The following SLC1A7 variants were observed in gnomAD, a reference collection of about 807,000 sequenced individuals.
SLC1A7 encodes excitatory amino acid transporter 5.
SLC1A7 carries 40 observed loss-of-function variants against 47.7 expected under a neutral mutation model. The observed-to-expected ratio is 0.84, with a 90% CI of 0.65 to 1.09. The LOEUF (loss-of-function observed/expected upper bound fraction) is 1.09. Ranked by LOEUF, SLC1A7 falls within the 50% of genes least tolerant of loss-of-function variation. The pLI is 0.00. For synonymous variants in SLC1A7, 323 were observed against 325.6 expected (o/e 0.99, Z 0.09); for missense variants, 746 against 769.5 (o/e 0.97, Z 0.36).
Position 53,135,033 on chromosome 1 carries a change from C to T in SLC1A7, c.136-604G>A, listed in dbSNP as rs1644977467. Reference sequence around the variant, plus strand: ...CGGATAAGGGGGGACTGCTCTGCCTCACAGGGTCATTGGGGGGCTTAAACG... The same window carrying T: ...CGGATAAGGGGGGACTGCTCTGCCTTACAGGGTCATTGGGGGGCTTAAACG... On this transcript the variant is annotated intron_variant, in intron 1 of 10. Coordinates refer to ENST00000371494, the MANE Select transcript of SLC1A7 (RefSeq NM_006671.6). Among the ~76,000 whole-genome samples the T allele has an allele frequency of 2.0e-5, 3 of 152,208 alleles. No homozygotes were observed. The South Asian group carries it at 6.2e-4, about 32-fold the overall frequency.
At chr1:53,097,561 C>T (rs975961058) in intron 5 of SLC1A7, among the ~76,000 whole-genome samples, 14 of 151,676 alleles carry the variant, frequency 9.2e-5, no homozygotes, top group Middle Eastern at 3.4e-3. Context: ...GGTACAATCA[C>T]ACACACCACC....
intron 2 of SLC1A7, among the ~76,000 whole-genome samples, chr1:53,132,125 C>T (rs571761579): frequency 1.8e-3 from 267 of 152,048 alleles, no homozygotes; most frequent in Middle Eastern, 6.8e-3. Flanking sequence ...GTGGGGTGGG[C>T]GAGGCAGATC....
In SLC1A7 at chr1:53,092,544, C is replaced by G. The variant is rs755385075; in HGVS notation, c.1031+10G>C. ...CAGCTCCCCACCGTCCTGCCCGTCC[C>G]CGGGGCTACCTGGAGGAGGTGGCCA... is the stretch of plus-strand genomic sequence containing the variant. On this transcript the variant is annotated intron_variant, in intron 7 of 10. Transcript: ENST00000371494. 4 of 1,603,774 alleles carry G rather than the reference C, an allele frequency of 2.5e-6. No homozygotes were observed. In the East Asian group the frequency reaches 8.9e-5, roughly 36 times the overall value.
Position 53,092,654 on chromosome 1 carries a change from T to C in SLC1A7, c.931A>G (p.Ile311Val), listed in dbSNP as rs925138271. Reference sequence around the variant, plus strand: ...ATGAAGAAGTAGAGCAGGGGCAGGATAAAGAGCCCGTGGAGCACCAGCCCG... The same window carrying C: ...ATGAAGAAGTAGAGCAGGGGCAGGACAAAGAGCCCGTGGAGCACCAGCCCG... ...VCGLVLHGLF[I>V]LPLLYFFITK... The change falls in exon 7 of 11, where the codon ATC (isoleucine) becomes GTC (valine). Residue 311 changes from isoleucine to valine, a missense_variant. By Grantham distance (29) the Ile-to-Val change is conservative. Transcript: ENST00000371494. The C allele has an allele frequency of 3.7e-6, 6 of 1,613,872 alleles. No homozygotes were observed. Among genetic ancestry groups the C allele is most frequent in the East Asian group, 4.5e-5 (2 of 44,884 alleles).
At chr1:53,101,143 C>T (rs910558989) in intron 5 of SLC1A7, among the ~76,000 whole-genome samples, 2 of 150,650 alleles carry the variant, frequency 1.3e-5, no homozygotes, top group Non-Finnish European at 3.0e-5. Context: ...CACTCACACA[C>T]CCCGCCTCAG....
At chr1:53,124,280 ACACACACAC>A (rs1644858123) in intron 2 of SLC1A7, among the ~76,000 whole-genome samples, 2 of 149,280 alleles carry the variant, frequency 1.3e-5, no homozygotes, top group Admixed American at 1.3e-4. Flanking sequence ...ACACACACAC[ACACACACAC>A]AACACAGCTT....
intron 3 of SLC1A7, among the ~76,000 whole-genome samples, chr1:53,110,133 G>A (rs1181584143): frequency 6.6e-6 from 1 of 152,196 alleles, no homozygotes; most frequent in Non-Finnish European, 1.5e-5. Flanking sequence ...AGAAGCTTTG[G>A]TTCATGCCCT....
At chr1:53,092,874 CT>C (rs1644441253) in intron 6 of SLC1A7, 87 bp from the exon 7 acceptor site, 2 of 851,950 alleles carry the variant, frequency 2.3e-6, no homozygotes, top group African/African-American at 1.7e-5. Flanking sequence ...GGCCTTCCCC[CT>C]GAGCTTCCTG....
intron 2 of SLC1A7, among the ~76,000 whole-genome samples, chr1:53,123,184 G>A (rs548395209): frequency 3.3e-5 from 5 of 152,180 alleles, no homozygotes; most frequent in African/African-American, 1.2e-4. Context: ...AGGCAGTCAG[G>A]GCCAGGTCCA....
chr1:53,114,134 G>A (rs1226063766), intron 3 of SLC1A7, among the ~76,000 whole-genome samples: 11 of 152,152 alleles, frequency 7.2e-5, no homozygotes, highest in Admixed American at 2.6e-4. Flanking sequence ...GCGAATGCAC[G>A]AAGGACAGGA....
intron 5 of SLC1A7, among the ~76,000 whole-genome samples, chr1:53,097,961 T>C (rs1030152984): frequency 5.1e-5 from 7 of 136,420 alleles, no homozygotes; most frequent in African/African-American, 1.9e-4. Context: ...CATGCCTCGG[T>C]ACACTCACAC....
At chr1:53,103,636 A>G in intron 4 of SLC1A7, 68 bp from the exon 5 acceptor site, 2 of 906,488 alleles carry the variant, frequency 2.2e-6, no homozygotes, top group East Asian at 5.1e-5. Flanking sequence ...AACGACAACA[A>G]TAATAGCATC....
At chr1:53,096,024 G>A (rs532513619) in intron 5 of SLC1A7, among the ~76,000 whole-genome samples, 5 of 143,880 alleles carry the variant, frequency 3.5e-5, no homozygotes, top group Admixed American at 2.8e-4. Context: ...CTCCACCTCA[G>A]TACACTCACA....
rs1361792453 is a variant in SLC1A7 at position 53,129,247 on chromosome 1, T to TCTTCA, written c.215+5098_215+5102dup. Among the ~76,000 whole-genome samples the TCTTCA allele has an allele frequency of 2.1e-5, 2 of 94,612 alleles. 1 individual carries two copies. Among genetic ancestry groups the TCTTCA allele is most frequent in the African/African-American group, 7.8e-5 (2 of 25,764 alleles). The allele number at this position is 94,612 out of a possible 152,430, so 62.1% of individuals were successfully genotyped here. A position where few individuals can be genotyped will look rare whatever the true frequency, so the allele number is the denominator to read the frequency against. On this transcript the variant is annotated intron_variant, in intron 2 of 10. Coordinates refer to ENST00000371494, the MANE Select transcript of SLC1A7 (RefSeq NM_006671.6). ...ATAACGTACCAGGAGCCATGCTGGG[T>TCTTCA]CTTCACGTACATTCTCTTACTTACT...
In SLC1A7 at chr1:53,092,634, G is replaced by A. The variant is rs1644436329; in HGVS notation, c.951C>T (p.Phe317=). 1.2e-6 allele frequency: 2 copies of A among 1,614,108 alleles called. No individual in the cohort carries two copies. Among genetic ancestry groups the A allele is most frequent in the African/African-American group, 1.3e-5 (1 of 74,946 alleles). The change falls in exon 7 of 11, where the codon TTC becomes TTT. Residue 317 remains phenylalanine, a synonymous_variant. Transcript: ENST00000371494. ...CGATGGGATTCTTCTTGGTGATGAA[G>A]AAGTAGAGCAGGGGCAGGATAAAGA... The part of the protein sequence containing the change: ...HGLFILPLLY[F]FITKKNPIVF...
intron 2 of SLC1A7, among the ~76,000 whole-genome samples, chr1:53,120,381 G>C (rs6666283): frequency 0.16 from 24,463 of 152,148 alleles, 2,709 homozygotes; most frequent in Middle Eastern, 0.29. Context: ...AGAGAGCCAA[G>C]AGAGCCTGCA....
At position 53,092,647 on chromosome 1, in the gene SLC1A7, G is replaced by A; in HGVS notation, c.938C>T (p.Pro313Leu). The A allele has an allele frequency of 3.1e-6, 5 of 1,614,198 alleles. No individual in the cohort carries two copies. Among genetic ancestry groups the A allele is most frequent in the South Asian group, 2.2e-5 (2 of 91,088 alleles). ...GLVLHGLFIL[P>L]LLYFFITKKN... is the part of the protein sequence containing the mutation. ...CTTGGTGATGAAGAAGTAGAGCAGG[G>A]GCAGGATAAAGAGCCCGTGGAGCAC... Residue 313 changes from proline (P) to leucine (L), a missense_variant, in exon 7 of 11, where the codon CCC becomes CTC. Transcript: ENST00000371494.
At chr1:53,134,514 C>T (rs1644972038) in intron 1 of SLC1A7, 85 bp from the exon 2 acceptor site, 2 of 815,888 alleles carry the variant, frequency 2.5e-6, no homozygotes, top group Non-Finnish European at 4.0e-6. Flanking sequence ...GAAGCACTAT[C>T]CCATCTGACT....
At chr1:53,112,728 G>A (rs905526271) in intron 3 of SLC1A7, among the ~76,000 whole-genome samples, 6 of 152,208 alleles carry the variant, frequency 3.9e-5, no homozygotes, top group African/African-American at 1.4e-4. Flanking sequence ...CCATGGGCCA[G>A]ACATGACCCA....
Sources: gnomAD v4.1 joint callset for allele counts (sites outside exome capture counted in the v4.1 genomes callset) on GRCh38, gnomAD v4.1.1 for gene constraint, MANE v1.5 for transcripts, NCBI Gene and HGNC (gene_info 2026-07-23, HGNC 2026-07-21) for gene names.